GRIN2A: variants seen among roughly 807,000 people sequenced by gnomAD.
GRIN2A encodes glutamate receptor ionotropic, NMDA 2A.
A neutral mutation model predicts 113.4 loss-of-function variants in GRIN2A; 22 were observed. The ratio of observed to expected loss-of-function variants is 0.19; its 90% confidence interval spans 0.14 to 0.28. GRIN2A has a LOEUF of 0.28. GRIN2A is among the 10% of genes least tolerant of loss of function. The pLI, the probability that GRIN2A is intolerant of heterozygous loss-of-function variation, is 1.00. For synonymous variants in GRIN2A, 827 were observed against 738.4 expected (o/e 1.12, Z -1.94); for missense variants, 1,502 against 1,887.0 (o/e 0.80, Z 3.78).
intron 2 of GRIN2A, chr16:10,112,398 C>G: frequency 1.4e-6 from 1 of 697,692 alleles, no homozygotes; most frequent in Non-Finnish European, 2.6e-6. Context: ...GGCCTGCGGT[C>G]AGCCCCAGGG....
At position 10,180,208 on chromosome 16, in the gene GRIN2A, G is replaced by C; in HGVS notation, c.204C>G (p.Asn68Lys). 6.2e-7 allele frequency: 1 copy of C among 1,614,170 alleles called. No homozygotes were observed. Among genetic ancestry groups the C allele is most frequent in the Non-Finnish European group, 8.5e-7 (1 of 1,180,046 alleles). ...TGCGGTTCATCAGCAGAGCTACCAC[G>C]TTCACGTCCAGGGGCAGCCCCGCCG... ...EQAAGLPLDV[N>K]VVALLMNRTD... The change falls in exon 2 of 13, where the codon AAC becomes AAG. Residue 68 changes from asparagine (N) to lysine (K), a missense_variant. By Grantham distance (94) the Asn-to-Lys change is moderately conservative. This residue lies in a region of GRIN2A where 149 missense variants were observed against 179.1 expected (regional missense o/e 0.83). Transcript: ENST00000330684. The surrounding 1 kb of genome is among the most constrained non-coding windows in gnomAD (Gnocchi z 7.0).
chr16:10,080,512 C>T (rs1292703912), intron 2 of GRIN2A, among the ~76,000 whole-genome samples: 1 of 152,146 alleles, frequency 6.6e-6, no homozygotes, highest in Non-Finnish European at 1.5e-5. Context: ...GGAAGGGATT[C>T]CGAGCTTGGA....
intron 10 of GRIN2A, among the ~76,000 whole-genome samples, chr16:9,808,447 C>T (rs929522000): frequency 4.6e-5 from 7 of 152,128 alleles, no homozygotes; most frequent in Non-Finnish European, 1.0e-4. Flanking sequence ...CAGGGACTCT[C>T]AGGGGCCAGA....
chr16:9,850,841 T>C (rs1321892734), intron 4 of GRIN2A, among the ~76,000 whole-genome samples: 1 of 152,158 alleles, frequency 6.6e-6, no homozygotes, highest in Non-Finnish European at 1.5e-5. Flanking sequence ...GCTGTATATT[T>C]TGAACCTTAA....
chr16:9,978,898 T>C (rs1174053623), intron 2 of GRIN2A, among the ~76,000 whole-genome samples: 1 of 152,178 alleles, frequency 6.6e-6, no homozygotes, highest in East Asian at 1.9e-4. Flanking sequence ...CAGATGGATG[T>C]GACAGTAAAT....
intron 2 of GRIN2A, among the ~76,000 whole-genome samples, chr16:10,089,315 A>T (rs1364085752): frequency 6.6e-6 from 1 of 152,228 alleles, no homozygotes; most frequent in African/African-American, 2.4e-5. Context: ...TGGTGATGGT[A>T]TCACAGATGT....
chr16:9,793,139 G>C (rs1490440617), intron 11 of GRIN2A, among the ~76,000 whole-genome samples: 1 of 152,176 alleles, frequency 6.6e-6, no homozygotes, highest in African/African-American at 2.4e-5. Context: ...GTGCAAGGGA[G>C]ATAATAAGAT....
In GRIN2A at chr16:10,042,361, G is replaced by T. The variant is rs2047180071; in HGVS notation, c.415-103810C>A. 2.0e-5 allele frequency among the ~76,000 whole-genome samples: 3 copies of T among 152,092 alleles called. No individual in the cohort carries two copies. The South Asian group carries it at 6.2e-4, about 32-fold the overall frequency. On this transcript the variant is annotated intron_variant, in intron 2 of 12. Transcript: ENST00000330684. Reference sequence around the variant, plus strand: ...TCACTCTGAGGAAGTTGGCTGCCATGACATGAGGGACTTCAAGCAGCCCCA... The same window carrying T: ...TCACTCTGAGGAAGTTGGCTGCCATTACATGAGGGACTTCAAGCAGCCCCA...
chr16:9,844,964 G>T (rs898876942), intron 5 of GRIN2A, among the ~76,000 whole-genome samples: 2 of 152,100 alleles, frequency 1.3e-5, no homozygotes, highest in African/African-American at 4.8e-5. Flanking sequence ...AAACAAAAAG[G>T]TTTCACACAA....
chr16:9,783,508 C>G lies in GRIN2A; in HGVS notation c.2357-14419G>C, dbSNP rs529845469. Among the ~76,000 whole-genome samples the G allele has an allele frequency of 4.6e-5, 7 of 152,354 alleles. No individual in the cohort carries two copies. The South Asian group carries it at 1.4e-3, about 32-fold the overall frequency. On this transcript the variant is annotated intron_variant, in intron 11 of 12. Coordinates refer to ENST00000330684, the MANE Select transcript of GRIN2A (RefSeq NM_001134407.3). ...GAGGAAGCTTAACATTAAAGCTTATCTGACTACGTCTTCCATTCATAGCCT... is the reference window on the plus strand; with the variant it reads ...GAGGAAGCTTAACATTAAAGCTTATGTGACTACGTCTTCCATTCATAGCCT...
At chr16:9,835,797 A>C (rs1297956554) in intron 7 of GRIN2A, among the ~76,000 whole-genome samples, 1 of 152,202 alleles carries the variant, frequency 6.6e-6, no homozygotes. Context: ...CACAAATTCC[A>C]ATTTAATGAG....
intron 2 of GRIN2A, among the ~76,000 whole-genome samples, chr16:9,988,270 T>G (rs1474102499): frequency 5.0e-5 from 2 of 39,620 alleles, no homozygotes; most frequent in Admixed American, 2.4e-4. Flanking sequence ...TCCATAGGGG[T>G]GTGTGTGTGT....
chr16:10,135,827 C>A, intron 2 of GRIN2A, among the ~76,000 whole-genome samples: 1 of 152,146 alleles, frequency 6.6e-6, no homozygotes, highest in South Asian at 2.1e-4. Context: ...CTAAGATAAC[C>A]TCCCTTAAAG....
chr16:9,761,273 T>C lies in GRIN2A; in HGVS notation c.*1876A>G, dbSNP rs1337635188. On this transcript the variant is annotated 3_prime_UTR_variant, in exon 13 of 13. Coordinates refer to ENST00000330684, the MANE Select transcript of GRIN2A (RefSeq NM_001134407.3). The stretch of plus-strand genomic sequence containing the variant: ...TGACACTTGCCCACATGCAAGAAAA[T>C]AATACTTACAAAACAGAACGCACAC... 5 of 230,094 alleles carry C rather than the reference T, an allele frequency of 2.2e-5. No homozygotes were observed. The highest frequency in any genetic ancestry group is 3.4e-5 in the Non-Finnish European group (4 of 116,216). The allele number at this position is 230,094 out of a possible 1,614,324, so 14.3% of individuals were successfully genotyped here. A position where few individuals can be genotyped will look rare whatever the true frequency, so the allele number is the denominator to read the frequency against.
At position 9,822,446 on chromosome 16, in the gene GRIN2A, A is replaced by AAG. The variant is rs113949330; in HGVS notation, c.2008-24_2008-23dup. 4.6e-3 allele frequency: 7,044 copies of AAG among 1,522,276 alleles called. 177 individuals carry two copies. The African/African-American group carries it at 0.065, about 14-fold the overall frequency. The allele number at this position is 1,522,276 out of a possible 1,614,324, so 94.3% of individuals were successfully genotyped here. A position where few individuals can be genotyped will look rare whatever the true frequency, so the allele number is the denominator to read the frequency against. On this transcript the variant is annotated intron_variant, in intron 9 of 12. Coordinates refer to ENST00000330684, the MANE Select transcript of GRIN2A (RefSeq NM_001134407.3). ...GAAACTGGAGAGAGAACGAGAAAGG[A>AAG]AGAGAGAGAGTAGGAAAAGAAAGAG...
Position 10,182,034 on chromosome 16 carries a change from C to G in GRIN2A, c.-176G>C, listed in dbSNP as rs2050282504. 1 of 152,610 alleles carries G rather than the reference C, an allele frequency of 6.6e-6. No homozygotes were observed. Among genetic ancestry groups the G allele is most frequent in the African/African-American group, 2.4e-5 (1 of 41,458 alleles). The allele number at this position is 152,610 out of a possible 1,614,324, so 9.5% of individuals were successfully genotyped here. On this transcript the variant is annotated 5_prime_UTR_variant, in exon 1 of 13. Coordinates refer to ENST00000330684, the MANE Select transcript of GRIN2A (RefSeq NM_001134407.3). ...CTGTCCGCATCGCCCCCACGGGGGG[C>G]GGCTATCCCAGCCGGAGGCTCTGCA...
intron 2 of GRIN2A, among the ~76,000 whole-genome samples, chr16:9,956,251 G>A (rs1488111342): frequency 1.3e-5 from 2 of 152,110 alleles, no homozygotes; most frequent in Admixed American, 6.6e-5. Flanking sequence ...TTATTTTCAT[G>A]TTTTAACTTA....
At chr16:9,771,863 T>G (rs557857727) in intron 11 of GRIN2A, among the ~76,000 whole-genome samples, 53 of 152,312 alleles carry the variant, frequency 3.5e-4, no homozygotes, top group African/African-American at 1.2e-3. Flanking sequence ...ACTCACATGC[T>G]CATTTGGGCT....
At chr16:10,068,728 C>G (rs969149694) in intron 2 of GRIN2A, among the ~76,000 whole-genome samples, 24 of 152,154 alleles carry the variant, frequency 1.6e-4, no homozygotes, top group Admixed American at 7.2e-4. Context: ...AATGTACAAA[C>G]CAAACTAAGG....
Sources: gnomAD v4.1 joint callset for allele counts (sites outside exome capture counted in the v4.1 genomes callset) on GRCh38, gnomAD v4.1.1 for gene constraint, gnomAD v4.1.1 regional missense constraint, Gnocchi (gnomAD v3.1) non-coding constraint, MANE v1.5 for transcripts, NCBI Gene and HGNC (gene_info 2026-07-23, HGNC 2026-07-21) for gene names.